Variants in TENM2 observed in about 807,000 individuals in gnomAD.
TENM2 encodes teneurin transmembrane protein 2, also known as teneurin-2.
Under a neutral mutation model 245.2 loss-of-function variants are expected in TENM2, and 52 were observed. The ratio of observed to expected loss-of-function variants is 0.21; its 90% CI spans 0.17 to 0.27. TENM2 has a LOEUF of 0.27. TENM2 is among the 10% of genes least tolerant of loss of function. The pLI is 1.00. For synonymous variants in TENM2, 1,363 were observed against 1,438.9 expected, an observed-to-expected ratio of 0.95 and a Z score of 1.19; for missense variants, 3,046 against 3,666.8, an observed-to-expected ratio of 0.83 and a Z score of 4.37.
At chr5:167,922,420 C>T (rs1047235597) in intron 3 of TENM2, among the ~76,000 whole-genome samples, 2 of 152,124 alleles carry the variant, frequency 1.3e-5, no homozygotes, top group African/African-American at 4.8e-5. Context: ...TCCCTAGAAC[C>T]CAATTCAACC....
intron 3 of TENM2, among the ~76,000 whole-genome samples, chr5:167,917,870 T>C (rs571734732): frequency 6.6e-6 from 1 of 152,364 alleles, no homozygotes; most frequent in African/African-American, 2.4e-5. Flanking sequence ...AAAGTCTCCA[T>C]AAGGGAACCT....
At chr5:167,081,650 G>A in the TENM2 span, among the ~76,000 whole-genome samples, 176 of 152,274 alleles carry the variant, frequency 1.2e-3, 2 homozygotes, top group Non-Finnish European at 1.8e-3. Context: ...GAATAATAAG[G>A]CCTGCTTATT....
the TENM2 span, among the ~76,000 whole-genome samples, chr5:167,164,552 A>T: frequency 6.6e-6 from 1 of 152,200 alleles, no homozygotes; most frequent in Non-Finnish European, 1.5e-5. Flanking sequence ...AGCACCATAG[A>T]AAGAATAGTT....
At chr5:168,028,398 A>G (rs1366601410) in intron 5 of TENM2, among the ~76,000 whole-genome samples, 1 of 151,992 alleles carries the variant, frequency 6.6e-6, no homozygotes, top group Non-Finnish European at 1.5e-5. Context: ...CTAGGCAGAG[A>G]CCCATCCCAG....
At chr5:167,253,512 A>G in the TENM2 span, among the ~76,000 whole-genome samples, 1 of 152,112 alleles carries the variant, frequency 6.6e-6, no homozygotes, top group Admixed American at 6.6e-5. Flanking sequence ...AAACGTAAAA[A>G]TCATTTAGAA....
chr5:167,811,621 T>C (rs1766648616), intron 2 of TENM2, among the ~76,000 whole-genome samples: 1 of 152,132 alleles, frequency 6.6e-6, no homozygotes, highest in African/African-American at 2.4e-5. Context: ...GTGTGCCAAA[T>C]ATTTGTCAAG....
intron 12 of TENM2, among the ~76,000 whole-genome samples, chr5:168,131,563 T>C (rs1210755965): frequency 6.6e-6 from 1 of 152,194 alleles, no homozygotes; most frequent in African/African-American, 2.4e-5. Flanking sequence ...TCCGATGTGC[T>C]GATTAAGTGA....
chr5:167,761,761 C>T lies in TENM2; in HGVS notation c.503-114225C>T, dbSNP rs1303912810. ...GCCCTCCAAGGGAACTGGAATTTCT[C>T]ACTTCACTCCCCAAGCTTCTGAGCA... On this transcript the variant is annotated intron_variant, in intron 2 of 28. Coordinates refer to ENST00000518659, the Ensembl canonical transcript of TENM2. Among the ~76,000 whole-genome samples the T allele has an allele frequency of 3.3e-5, 5 of 152,284 alleles. No homozygotes were observed. In the East Asian group the frequency reaches 9.7e-4, roughly 29 times the overall value.
chr5:167,097,416 G>A, the TENM2 span, among the ~76,000 whole-genome samples: 1 of 152,072 alleles, frequency 6.6e-6, no homozygotes, highest in African/African-American at 2.4e-5. Flanking sequence ...GATAATGAAG[G>A]TGTGTGGTCC....
chr5:167,540,638 T>C (rs1186695766), intron 2 of TENM2, among the ~76,000 whole-genome samples: 2 of 152,038 alleles, frequency 1.3e-5, no homozygotes, highest in African/African-American at 4.8e-5. Flanking sequence ...AAGGAAAAAT[T>C]TGCCACCCCA....
intron 14 of TENM2, among the ~76,000 whole-genome samples, chr5:168,194,177 G>C (rs1323386697): frequency 6.6e-6 from 1 of 152,160 alleles, no homozygotes. Flanking sequence ...GATGCTGGGA[G>C]CCTGAGAACC....
chr5:167,110,306 T>C, the TENM2 span, among the ~76,000 whole-genome samples: 11 of 152,196 alleles, frequency 7.2e-5, no homozygotes, highest in African/African-American at 1.7e-4. Flanking sequence ...GGGATGACAA[T>C]GTACAAGGGC....
intron 6 of TENM2, among the ~76,000 whole-genome samples, chr5:168,049,557 A>C (rs914407253): frequency 3.9e-5 from 6 of 152,134 alleles, no homozygotes; most frequent in African/African-American, 1.4e-4. Context: ...ATAAGCCTCT[A>C]TTTCTACCTC....
intron 2 of TENM2, among the ~76,000 whole-genome samples, chr5:167,714,630 A>G (rs1428431427): frequency 2.6e-5 from 4 of 152,222 alleles, no homozygotes; most frequent in Admixed American, 2.6e-4. Context: ...TAAACAAATA[A>G]TAGGAATTGG....
At chr5:167,161,772 C>T in the TENM2 span, among the ~76,000 whole-genome samples, 1 of 152,110 alleles carries the variant, frequency 6.6e-6, no homozygotes, top group African/African-American at 2.4e-5. Flanking sequence ...CACATATGGT[C>T]GATCTTGCAA....
intron 2 of TENM2, among the ~76,000 whole-genome samples, chr5:167,640,884 T>TATCC (rs1779549640): frequency 1.3e-5 from 1 of 74,470 alleles, no homozygotes; most frequent in Non-Finnish European, 2.6e-5. Flanking sequence ...TATATATATA[T>TATCC]ATATATATAT....
intron 2 of TENM2, among the ~76,000 whole-genome samples, chr5:167,710,826 G>A (rs564331043): frequency 2.0e-5 from 3 of 152,290 alleles, no homozygotes; most frequent in African/African-American, 2.4e-5. Flanking sequence ...TGCACAAAAC[G>A]GGTTTAAGAT....
At chr5:167,387,874 G>C (rs1212876853) in intron 2 of TENM2, among the ~76,000 whole-genome samples, 1 of 152,082 alleles carries the variant, frequency 6.6e-6, no homozygotes, top group African/African-American at 2.4e-5. Flanking sequence ...AAACCCACTG[G>C]ATCATGGTGG....
chr5:167,733,091 A>G (rs915304547), intron 2 of TENM2, among the ~76,000 whole-genome samples: 48 of 152,182 alleles, frequency 3.2e-4, no homozygotes, highest in African/African-American at 9.6e-4. Flanking sequence ...GCATCTCCTC[A>G]ATAGGATTCC....
Sources: gnomAD v4.1 joint callset for allele counts (sites outside exome capture counted in the v4.1 genomes callset) on GRCh38, gnomAD v4.1.1 for gene constraint, MANE v1.5 for transcripts, NCBI Gene and HGNC (gene_info 2026-07-23, HGNC 2026-07-21) for gene names.